The following GIMAP8 variants were observed in gnomAD, a reference collection of about 807,000 sequenced individuals.
GIMAP8 encodes GTPase IMAP family member 8.
Under a neutral mutation model 35.6 loss-of-function variants are expected in GIMAP8, and 29 were observed. That is an observed-to-expected ratio of 0.81 (90% CI 0.61 to 1.11). GIMAP8 has a LOEUF of 1.11. Among genes scored for constraint, GIMAP8 ranks in the 50% most tolerant of loss-of-function variants. The pLI is 0.00. For synonymous variants in GIMAP8, 335 were observed against 308.7 expected, an observed-to-expected ratio of 1.09 and a Z score of -0.89; for missense variants, 811 against 805.0, an observed-to-expected ratio of 1.01 and a Z score of -0.09.
chr7:150,477,253 G>T lies in GIMAP8; in HGVS notation c.1471G>T (p.Val491Phe). 6.2e-7 allele frequency: 1 copy of T among 1,614,130 alleles called. No individual in the cohort carries two copies. The highest frequency in any genetic ancestry group is 8.5e-7 in the Non-Finnish European group (1 of 1,180,026). The part of the protein sequence containing the change: ...RRTWDGQEVV[V>F]VDTPSFNQML... ...GACATGGGACGGACAGGAGGTGGTG[G>T]TTGTGGACACTCCTTCCTTCAACCA... The change falls in exon 5 of 5, where the codon GTT becomes TTT. Residue 491 changes from valine (V) to phenylalanine (F), a missense_variant. Transcript: ENST00000307271.
chr7:150,475,750 A>G (rs1300877608), intron 4 of GIMAP8, among the ~76,000 whole-genome samples: 1 of 152,228 alleles, frequency 6.6e-6, no homozygotes, highest in Admixed American at 6.5e-5. Context: ...GAAAGTCAGG[A>G]GAGGCTTTGT....
chr7:150,452,087 T>C (rs1020692282), intron 1 of GIMAP8, among the ~76,000 whole-genome samples: 1 of 152,226 alleles, frequency 6.6e-6, no homozygotes, highest in African/African-American at 2.4e-5. Flanking sequence ...AGGCTGCCTT[T>C]ACAGTCTTCA....
chr7:150,471,845 A>T (rs1267626454), intron 3 of GIMAP8, among the ~76,000 whole-genome samples: 2 of 152,108 alleles, frequency 1.3e-5, no homozygotes, highest in Non-Finnish European at 2.9e-5. Context: ...TCAAAAAAAA[A>T]AAAAATTGCA....
chr7:150,465,565 A>C (rs1801937247), intron 1 of GIMAP8, among the ~76,000 whole-genome samples: 1 of 152,342 alleles, frequency 6.6e-6, no homozygotes, highest in Admixed American at 6.5e-5. Flanking sequence ...AGGTACAGCA[A>C]ATCAGCTCAA....
At chr7:150,468,332 A>G (rs1020473318) in intron 2 of GIMAP8, among the ~76,000 whole-genome samples, 2 of 152,246 alleles carry the variant, frequency 1.3e-5, no homozygotes, top group African/African-American at 4.8e-5. Flanking sequence ...AGGAAGATAC[A>G]AAAATGCAGT....
intron 1 of GIMAP8, among the ~76,000 whole-genome samples, chr7:150,452,672 T>TGA (rs1554492362): frequency 4.1e-4 from 27 of 66,586 alleles, no homozygotes; most frequent in East Asian, 9.1e-4. Context: ...TGTGTGTGTG[T>TGA]GAGATATATA....
At position 150,477,452 on chromosome 7, in the gene GIMAP8, C is replaced by A. The variant is rs148200096; in HGVS notation, c.1670C>A (p.Thr557Lys). 571 of 1,613,656 alleles carry A rather than the reference C, an allele frequency of 3.5e-4. 1 individual carries two copies. The African/African-American group carries it at 6.6e-3, about 19-fold the overall frequency. The change falls in exon 5 of 5, where the codon ACG becomes AAG. Residue 557 changes from threonine (T) to lysine (K), a missense_variant. Transcript: ENST00000307271. Reference sequence around the variant, plus strand: ...GAGGCCATCTTTGGAGCAGACTTTACGAAATACGCGATTATGCTGTTCACC... The same window carrying A: ...GAGGCCATCTTTGGAGCAGACTTTAAGAAATACGCGATTATGCTGTTCACC... ...KLEAIFGADF[T>K]KYAIMLFTRK... is the part of the protein sequence containing the mutation.
At chr7:150,475,245 G>A (rs1170593849) in intron 4 of GIMAP8, among the ~76,000 whole-genome samples, 1 of 152,038 alleles carries the variant, frequency 6.6e-6, no homozygotes, top group Non-Finnish European at 1.5e-5. Context: ...ATTATTCTAT[G>A]GTGTATATGT....
chr7:150,460,754 G>C (rs1207712911), intron 1 of GIMAP8, among the ~76,000 whole-genome samples: 1 of 152,190 alleles, frequency 6.6e-6, no homozygotes, highest in African/African-American at 2.4e-5. Context: ...AGGTATCATG[G>C]GCATTTGGGC....
rs565669706 is a variant in GIMAP8 at position 150,475,761 on chromosome 7, G to T, written c.1309+1123G>T. ...ATGGGAAAGTCAGGAGAGGCTTTGTGTAGAAAGCCCAATTTGAAACAGGTT... is the reference window on the plus strand; with the variant it reads ...ATGGGAAAGTCAGGAGAGGCTTTGTTTAGAAAGCCCAATTTGAAACAGGTT... On this transcript the variant is annotated intron_variant, in intron 4 of 4. Transcript: ENST00000307271. Among the ~76,000 whole-genome samples the T allele has an allele frequency of 5.9e-5, 9 of 152,312 alleles. No homozygotes were observed. In the East Asian group the frequency reaches 1.3e-3, roughly 23 times the overall value.
intron 2 of GIMAP8, among the ~76,000 whole-genome samples, chr7:150,469,687 C>G (rs374321624): frequency 6.6e-6 from 1 of 151,116 alleles, no homozygotes; most frequent in Admixed American, 6.6e-5. Flanking sequence ...TAGAGCCATA[C>G]TTTTAGAACT....
At position 150,477,866 on chromosome 7, in the gene GIMAP8, G is replaced by C. The variant is rs1395108027; in HGVS notation, c.*86G>C. On this transcript the variant is annotated 3_prime_UTR_variant, in exon 5 of 5. Coordinates refer to ENST00000307271, the MANE Select transcript of GIMAP8 (RefSeq NM_175571.4). ...GGGCATGGTACAACCTGTGGGAAGG[G>C]AAGCGGGTTCATGGCTTTGAGGGCC... 1 of 1,087,894 alleles carries C rather than the reference G, an allele frequency of 9.2e-7. No individual in the cohort carries two copies. The highest frequency in any genetic ancestry group is 1.3e-6 in the Non-Finnish European group (1 of 754,888). The allele number at this position is 1,087,894 out of a possible 1,614,324, so 67.4% of individuals were successfully genotyped here. A position where few individuals can be genotyped will look rare whatever the true frequency, so the allele number is the denominator to read the frequency against.
intron 4 of GIMAP8, among the ~76,000 whole-genome samples, chr7:150,476,649 T>C (rs1010029296): frequency 1.3e-5 from 2 of 152,328 alleles, no homozygotes; most frequent in East Asian, 3.9e-4. Context: ...GATGTTGCTA[T>C]AGTTAGCAGT....
intron 1 of GIMAP8, among the ~76,000 whole-genome samples, chr7:150,462,630 A>T (rs550697582): frequency 1.8e-4 from 27 of 151,706 alleles, no homozygotes; most frequent in Middle Eastern, 3.4e-3. Context: ...TGGCCAAAAA[A>T]TTTTTTTTTC....
At chr7:150,455,916 C>T (rs1019662005) in intron 1 of GIMAP8, among the ~76,000 whole-genome samples, 1 of 152,168 alleles carries the variant, frequency 6.6e-6, no homozygotes, top group Admixed American at 6.5e-5. Flanking sequence ...TGCCTTTTAT[C>T]TTTCTGCTTG....
rs73478107 is a variant in GIMAP8, at chr7:150,461,478, G to A, written c.-28-5193G>A. Among the ~76,000 whole-genome samples, 1,306 of 152,030 alleles carry A rather than the reference G, an allele frequency of 8.6e-3. 15 individuals are homozygous for A. The highest frequency in any genetic ancestry group is 0.029 in the African/African-American group (1,184 of 41,452). ...CTATCATTATATAATAACCTTCTTC[G>A]TGTCTTTATGTTTTTTATTTAAAGT... On this transcript the variant is annotated intron_variant, in intron 1 of 4. Transcript: ENST00000307271.
chr7:150,459,991 C>T (rs1196857588), intron 1 of GIMAP8, among the ~76,000 whole-genome samples: 1 of 152,200 alleles, frequency 6.6e-6, no homozygotes, highest in Non-Finnish European at 1.5e-5. Context: ...AGGTAGCTTG[C>T]TGATAACCCT....
chr7:150,468,188 C>T (rs1162745754), intron 2 of GIMAP8, among the ~76,000 whole-genome samples: 1 of 152,104 alleles, frequency 6.6e-6, no homozygotes, highest in Non-Finnish European at 1.5e-5. Context: ...TCGTTTCTTG[C>T]CTAACCTATT....
rs113417065 is a variant in GIMAP8, at chr7:150,462,877, C to T, written c.-28-3794C>T. ...TGAATTTCCTGTGTCTGAATGTCTA[C>T]ATCTCTCACAATACTTTGGAAGTTT... On this transcript the variant is annotated intron_variant, in intron 1 of 4. Coordinates refer to ENST00000307271, the MANE Select transcript of GIMAP8 (RefSeq NM_175571.4). Among the ~76,000 whole-genome samples, 318 of 152,302 alleles carry T rather than the reference C, an allele frequency of 2.1e-3. 1 individual carries two copies. In the South Asian group the frequency reaches 0.031, roughly 15 times the overall value.
Sources: allele counts gnomAD v4.1 joint callset (sites outside exome capture counted in the v4.1 genomes callset), GRCh38; gene constraint gnomAD v4.1.1; transcripts MANE v1.5; gene names NCBI Gene and HGNC (gene_info 2026-07-23, HGNC 2026-07-21).